Variants in USP12 observed in about 807,000 individuals in gnomAD.
USP12 encodes ubiquitin carboxyl-terminal hydrolase 12.
In USP12, 19 loss-of-function variants were observed where a neutral mutation model predicts 45.5. The observed-to-expected ratio is 0.42, with a 90% CI of 0.29 to 0.61. The LOEUF (loss-of-function observed/expected upper bound fraction) is 0.61. Ranked by LOEUF, USP12 falls within the 20% of genes least tolerant of loss-of-function variation. The pLI is 0.22. For missense variants in USP12, 242 were observed against 447.7 expected, an observed-to-expected ratio of 0.54 and a Z score of 4.15; for synonymous variants, 149 against 148.8, an observed-to-expected ratio of 1.00 and a Z score of -0.01.
chr13:27,154,600 G>A (rs4238199), intron 1 of USP12, among the ~76,000 whole-genome samples: 83,250 of 151,888 alleles, frequency 0.55, 23,820 homozygotes, highest in East Asian at 0.82. Context: ...TTCATTAAAG[G>A]CATATCAGGA....
chr13:27,105,274 G>A (rs1875077419), intron 3 of USP12, among the ~76,000 whole-genome samples: 1 of 152,122 alleles, frequency 6.6e-6, no homozygotes, highest in South Asian at 2.1e-4. Context: ...TGTGGCTCCT[G>A]GCAAGCCTTT....
At chr13:27,134,270 G>C (rs1876681253) in intron 1 of USP12, among the ~76,000 whole-genome samples, 1 of 152,182 alleles carries the variant, frequency 6.6e-6, no homozygotes, top group Admixed American at 6.5e-5. Flanking sequence ...GAGAAAGGTA[G>C]CATAAAAGAA....
At chr13:27,108,395 A>G (rs1875256448) in intron 2 of USP12, among the ~76,000 whole-genome samples, 1 of 149,930 alleles carries the variant, frequency 6.7e-6, no homozygotes, top group African/African-American at 2.5e-5. Context: ...GGGTGGGGGG[A>G]GAGGGGAGGG....
At chr13:27,102,628 A>G (rs990109833) in intron 3 of USP12, among the ~76,000 whole-genome samples, 4 of 152,206 alleles carry the variant, frequency 2.6e-5, no homozygotes, top group Non-Finnish European at 5.9e-5. Flanking sequence ...TCTTAAAATG[A>G]TGTCTTCAAA....
chr13:27,169,264 G>A (rs1878479159), intron 1 of USP12: 1 of 152,172 alleles, frequency 6.6e-6, no homozygotes, highest in Non-Finnish European at 1.5e-5. Context: ...GACAGGGGTA[G>A]GATTATTCAA....
intron 6 of USP12, chr13:27,077,605 T>C (rs1355047043): frequency 6.6e-6 from 1 of 152,088 alleles, no homozygotes; most frequent in Non-Finnish European, 1.5e-5. Flanking sequence ...ACCCATGGAA[T>C]TGTCAAGCAA....
At chr13:27,171,135 G>C (rs1322387966) in intron 1 of USP12, among the ~76,000 whole-genome samples, 2 of 151,192 alleles carry the variant, frequency 1.3e-5, no homozygotes, top group Non-Finnish European at 3.0e-5. Context: ...CGACCAGAAG[G>C]AAATGGAGCC....
chr13:27,151,409 T>C (rs1877562413), intron 1 of USP12, among the ~76,000 whole-genome samples: 2 of 151,948 alleles, frequency 1.3e-5, no homozygotes, highest in African/African-American at 4.8e-5. Flanking sequence ...AGAAAATGAA[T>C]AGACAACCCA....
At chr13:27,163,789 A>G (rs982070427) in intron 1 of USP12, among the ~76,000 whole-genome samples, 4 of 140,532 alleles carry the variant, frequency 2.8e-5, no homozygotes, top group African/African-American at 7.4e-5. Flanking sequence ...AAAAAAAGAA[A>G]AAAAAAAAAG....
chr13:27,072,676 ATC>A (rs1873299377), intron 7 of USP12, among the ~76,000 whole-genome samples: 1 of 152,208 alleles, frequency 6.6e-6, no homozygotes, highest in African/African-American at 2.4e-5. Flanking sequence ...GAGAGACCTC[ATC>A]CAGCAAGACA....
At chr13:27,096,548 G>A (rs1224103086) in intron 3 of USP12, among the ~76,000 whole-genome samples, 1 of 152,156 alleles carries the variant, frequency 6.6e-6, no homozygotes, top group Admixed American at 6.5e-5. Context: ...CCATAGAACA[G>A]TAAGGACTTT....
chr13:27,083,930 T>A (rs1873882402), intron 6 of USP12, among the ~76,000 whole-genome samples: 1 of 151,338 alleles, frequency 6.6e-6, no homozygotes, highest in Admixed American at 6.6e-5. Context: ...AATGGCGCAA[T>A]CTCGGCTCAC....
chr13:27,154,350 T>C (rs1044307409), intron 1 of USP12, among the ~76,000 whole-genome samples: 32 of 152,238 alleles, frequency 2.1e-4, no homozygotes, highest in African/African-American at 7.2e-4. Flanking sequence ...CAAGCCTATA[T>C]TTACTTACTT....
At chr13:27,088,974 T>C (rs1269691433) in intron 6 of USP12, among the ~76,000 whole-genome samples, 4 of 152,048 alleles carry the variant, frequency 2.6e-5, no homozygotes, top group Non-Finnish European at 5.9e-5. Flanking sequence ...CTGTCCAAGA[T>C]ACATAACCTG....
chr13:27,148,673 A>ATT (rs1464897590), intron 1 of USP12, among the ~76,000 whole-genome samples: 1 of 80,480 alleles, frequency 1.2e-5, no homozygotes, highest in Admixed American at 1.7e-4. Context: ...CAAAAAAAAA[A>ATT]AATTATATAT....
intron 1 of USP12, among the ~76,000 whole-genome samples, chr13:27,118,100 A>C (rs901415925): frequency 9.2e-5 from 14 of 151,386 alleles, no homozygotes; most frequent in African/African-American, 3.4e-4. Flanking sequence ...CTTCAGCTAC[A>C]CTGGGCATAT....
At chr13:27,128,215 A>C (rs1472191337) in intron 1 of USP12, among the ~76,000 whole-genome samples, 3 of 152,248 alleles carry the variant, frequency 2.0e-5, no homozygotes, top group Admixed American at 2.0e-4. Flanking sequence ...GTAAATGTTC[A>C]CAATGAGACA....
At chr13:27,124,178 T>TA (rs1348237186) in intron 1 of USP12, among the ~76,000 whole-genome samples, 1 of 152,142 alleles carries the variant, frequency 6.6e-6, no homozygotes, top group Non-Finnish European at 1.5e-5. Flanking sequence ...ATGAAAAAGA[T>TA]AAAAATCACA....
chr13:27,132,528 T>C (rs1876553723), intron 1 of USP12, among the ~76,000 whole-genome samples: 1 of 152,168 alleles, frequency 6.6e-6, no homozygotes, highest in East Asian at 1.9e-4. Flanking sequence ...TGTTCCAATC[T>C]CTTGGTTGTC....
Sources: gnomAD v4.1 joint callset for allele counts (sites outside exome capture counted in the v4.1 genomes callset) on GRCh38, gnomAD v4.1.1 for gene constraint, MANE v1.5 for transcripts, NCBI Gene and HGNC (gene_info 2026-07-23, HGNC 2026-07-21) for gene names.